Variants in EPS15 observed in about 807,000 individuals in gnomAD.
EPS15 encodes epidermal growth factor receptor pathway substrate 15, also known as epidermal growth factor receptor substrate 15.
A neutral mutation model predicts 113.8 loss-of-function variants in EPS15; 72 were observed. The observed-to-expected ratio is 0.63, with a 90% CI of 0.52 to 0.77. The LOEUF (loss-of-function observed/expected upper bound fraction) is 0.77, where lower values mean the gene tolerates loss of function less well. EPS15 is among the 30% of genes least tolerant of loss of function. The probability of loss-of-function intolerance (pLI) is 0.00; values close to 1 mark genes in which losing one functional copy is unlikely to be tolerated. For synonymous variants in EPS15, 344 were observed against 363.4 expected (o/e 0.95, Z 0.61); for missense variants, 1,048 against 1,045.8 (o/e 1.00, Z -0.03).
chr1:51,357,391 A>AAAATATAT (rs1491245303), intron 24 of EPS15, among the ~76,000 whole-genome samples: 5 of 65,734 alleles, frequency 7.6e-5, no homozygotes, highest in Non-Finnish European at 1.0e-4. Context: ...AAAAAAAAAA[A>AAAATATAT]ATATATATAT....
rs138313286 is a variant in EPS15 at position 51,479,138 on chromosome 1, T to C, written c.75+2135A>G. On this transcript the variant is annotated intron_variant, in intron 2 of 24. Transcript: ENST00000371733. The stretch of plus-strand genomic sequence containing the variant: ...TCTTTTTACATAGTCCCATATTTCT[T>C]GGAGGCTTTGTTCGTTTCCTTTTAC... 1.9e-3 allele frequency among the ~76,000 whole-genome samples: 286 copies of C among 152,334 alleles called. 9 individuals carry two copies. In the East Asian group the frequency reaches 0.05, roughly 27 times the overall value.
intron 13 of EPS15, among the ~76,000 whole-genome samples, chr1:51,412,661 C>T (rs868410053): frequency 3.3e-5 from 5 of 152,094 alleles, no homozygotes; most frequent in Admixed American, 1.3e-4. Context: ...TATAGAGATA[C>T]GACTTTAGAT....
chr1:51,361,398 C>T, intron 23 of EPS15, 43 bp from the exon 24 acceptor site: 2 of 1,441,240 alleles, frequency 1.4e-6, no homozygotes, highest in Non-Finnish European at 1.9e-6. Context: ...GTAAATACAG[C>T]AAATACAAGC....
intron 12 of EPS15, chr1:51,423,249 T>TTA: frequency 7.8e-7 from 1 of 1,288,954 alleles, no homozygotes; most frequent in South Asian, 1.2e-5. Context: ...GATGTTGTGA[T>TTA]TTTAAACAGT....
chr1:51,488,719 G>A (rs1644172882), intron 1 of EPS15, among the ~76,000 whole-genome samples: 1 of 152,030 alleles, frequency 6.6e-6, no homozygotes, highest in African/African-American at 2.4e-5. Context: ...TTATAGGCAT[G>A]AGCCACTACA....
chr1:51,515,528 T>A (rs904541161), intron 1 of EPS15, among the ~76,000 whole-genome samples: 1 of 151,764 alleles, frequency 6.6e-6, no homozygotes, highest in African/African-American at 2.4e-5. Flanking sequence ...AAAACCAGTA[T>A]AAAGCTGAAT....
intron 2 of EPS15, among the ~76,000 whole-genome samples, chr1:51,479,961 A>G (rs1643990213): frequency 6.6e-6 from 1 of 152,218 alleles, no homozygotes; most frequent in South Asian, 2.1e-4. Context: ...AAATTCACTC[A>G]TATTTATATG....
At chr1:51,454,401 A>C (rs548472252) in intron 8 of EPS15, among the ~76,000 whole-genome samples, 34 of 152,364 alleles carry the variant, frequency 2.2e-4, no homozygotes, top group African/African-American at 6.5e-4. Flanking sequence ...GGAAAAAGTA[A>C]CTTTACAGTG....
chr1:51,423,278 T>C (rs1217124062), intron 12 of EPS15: 14 of 1,288,296 alleles, frequency 1.1e-5, no homozygotes, highest in Non-Finnish European at 1.3e-5. Flanking sequence ...ATGAGAATCA[T>C]TGTTGCAGCC....
At chr1:51,377,752 T>C (rs1368406245) in intron 21 of EPS15, among the ~76,000 whole-genome samples, 4 of 152,138 alleles carry the variant, frequency 2.6e-5, no homozygotes, top group South Asian at 4.1e-4. Flanking sequence ...TGTGACAAAC[T>C]TCAGTGTTAT....
intron 12 of EPS15, among the ~76,000 whole-genome samples, chr1:51,422,876 A>G (rs1650890709): frequency 6.6e-6 from 1 of 152,252 alleles, no homozygotes; most frequent in Admixed American, 6.5e-5. Flanking sequence ...CAAGTCCTCC[A>G]GATTAGTATA....
At chr1:51,445,184 AACTC>A (rs1557476541) in intron 10 of EPS15, 139 bp from the exon 11 acceptor site, 2 of 730,756 alleles carry the variant, frequency 2.7e-6, no homozygotes, top group Non-Finnish European at 4.4e-6. Flanking sequence ...GGTTATTAAA[AACTC>A]ACTCAACTGT....
chr1:51,471,263 T>C (rs1034847932), intron 4 of EPS15, among the ~76,000 whole-genome samples: 6 of 152,356 alleles, frequency 3.9e-5, no homozygotes, highest in Middle Eastern at 3.4e-3. Flanking sequence ...TTCTGGTTTA[T>C]AAATCATTTT....
At chr1:51,462,959 C>T (rs1654587426) in intron 7 of EPS15, among the ~76,000 whole-genome samples, 1 of 149,306 alleles carries the variant, frequency 6.7e-6, no homozygotes, top group African/African-American at 2.5e-5. Flanking sequence ...TCACTGCAAC[C>T]ACTGCCTCCT....
intron 7 of EPS15, among the ~76,000 whole-genome samples, chr1:51,462,420 T>C (rs1001175830): frequency 6.7e-6 from 1 of 149,238 alleles, no homozygotes; most frequent in African/African-American, 2.5e-5. Flanking sequence ...TAGTTAAGAT[T>C]TGAAATATGA....
intron 9 of EPS15, among the ~76,000 whole-genome samples, chr1:51,447,458 T>C (rs1374340386): frequency 6.6e-6 from 1 of 152,216 alleles, no homozygotes; most frequent in Non-Finnish European, 1.5e-5. Flanking sequence ...CTTTATTTTT[T>C]ATAGTTTGAC....
rs1374076845 is a variant in EPS15, at chr1:51,369,441, G to T, written c.2120-3412C>A. Among the ~76,000 whole-genome samples the T allele has an allele frequency of 2.6e-5, 4 of 152,056 alleles. No individual in the cohort carries two copies. In the East Asian group the frequency reaches 7.7e-4, roughly 29 times the overall value. ...CTTTCTTCCTCTTGGTGTACACAGG[G>T]GCTATGAGCCAGCAGAACTGGGCTT... On this transcript the variant is annotated intron_variant, in intron 21 of 24. Transcript: ENST00000371733.
In EPS15 at chr1:51,374,996, C is replaced by CTTTTT. The variant is rs761941054; in HGVS notation, c.2120-8972_2120-8968dup. Among the ~76,000 whole-genome samples the CTTTTT allele has an allele frequency of 6.1e-4, 66 of 108,770 alleles. 2 individuals carry two copies. The highest frequency in any genetic ancestry group is 9.7e-4 in the African/African-American group (26 of 26,788). The allele number at this position is 108,770 out of a possible 152,430, so 71.4% of individuals were successfully genotyped here. On this transcript the variant is annotated intron_variant, in intron 21 of 24. Transcript: ENST00000371733. ...CAGCCATAAAATATTTAATATACTTCTTTTTTTTTTTTTTTTTTTTTTTGA... is the reference window on the plus strand; with the variant it reads ...CAGCCATAAAATATTTAATATACTTCTTTTTTTTTTTTTTTTTTTTTTTTTTTTGA...
intron 16 of EPS15, among the ~76,000 whole-genome samples, chr1:51,404,168 A>C (rs1648867790): frequency 6.6e-6 from 1 of 152,302 alleles, no homozygotes; most frequent in Non-Finnish European, 1.5e-5. Flanking sequence ...AACACGGTGA[A>C]ACCCCGTCTC....
Sources: allele counts gnomAD v4.1 joint callset (sites outside exome capture counted in the v4.1 genomes callset), GRCh38; gene constraint gnomAD v4.1.1; transcripts MANE v1.5; gene names NCBI Gene and HGNC (gene_info 2026-07-23, HGNC 2026-07-21).